The following CDC5L variants were observed in gnomAD, a reference collection of about 807,000 sequenced individuals.
CDC5L encodes cell division cycle 5 like.
Under a neutral mutation model 104.1 loss-of-function variants are expected in CDC5L, and 18 were observed. The observed-to-expected ratio is 0.17, with a 90% CI of 0.12 to 0.26. The LOEUF is 0.26. Among genes scored for constraint, CDC5L ranks in the 10% least tolerant of loss-of-function variants. The pLI is 1.00. For missense variants in CDC5L, 673 were observed against 956.9 expected (o/e 0.70, Z 3.91); for synonymous variants, 331 against 322.7 (o/e 1.03, Z -0.28).
intron 3 of CDC5L, 104 bp downstream of exon 3, chr6:44,392,932 G>A: frequency 9.8e-7 from 1 of 1,017,192 alleles, no homozygotes; most frequent in Non-Finnish European, 1.4e-6. Flanking sequence ...TTATGGATGT[G>A]AGTAAACCCA....
At chr6:44,400,540 A>C (rs1049523671) in intron 5 of CDC5L, among the ~76,000 whole-genome samples, 5 of 152,054 alleles carry the variant, frequency 3.3e-5, no homozygotes, top group African/African-American at 7.2e-5. Flanking sequence ...GGCACTGTCT[A>C]CCGTGCCTGG....
intron 3 of CDC5L, 107 bp downstream of exon 3, chr6:44,392,935 T>A: frequency 1.0e-6 from 1 of 990,318 alleles, no homozygotes; most frequent in Non-Finnish European, 1.5e-6. Context: ...TGGATGTGAG[T>A]AAACCCAAAG....
chr6:44,429,085 G>A (rs1792558945), intron 13 of CDC5L, among the ~76,000 whole-genome samples: 1 of 140,642 alleles, frequency 7.1e-6, no homozygotes, highest in South Asian at 2.2e-4. Context: ...GCAGTGGCAC[G>A]ATCCCAGCTC....
At chr6:44,415,704 G>A (rs544682039) in intron 8 of CDC5L, among the ~76,000 whole-genome samples, 54 of 152,254 alleles carry the variant, frequency 3.5e-4, no homozygotes, top group African/African-American at 1.3e-3. Flanking sequence ...TGTCTGTCCT[G>A]CTGGCCAGAA....
At chr6:44,395,644 C>G (rs1330767666) in intron 4 of CDC5L, among the ~76,000 whole-genome samples, 3 of 152,168 alleles carry the variant, frequency 2.0e-5, no homozygotes, top group Non-Finnish European at 4.4e-5. Flanking sequence ...ACAGGGGGAG[C>G]ATTTAAAAAT....
intron 8 of CDC5L, among the ~76,000 whole-genome samples, chr6:44,415,571 T>G (rs1259169144): frequency 6.6e-6 from 1 of 152,126 alleles, no homozygotes; most frequent in African/African-American, 2.4e-5. Flanking sequence ...CTTCTTAGTT[T>G]CTCCTTGTGG....
intron 4 of CDC5L, among the ~76,000 whole-genome samples, chr6:44,395,400 A>G (rs1486218464): frequency 6.6e-6 from 1 of 152,208 alleles, no homozygotes; most frequent in Non-Finnish European, 1.5e-5. Flanking sequence ...AGAATCAGGA[A>G]TTGGATTTTC....
In CDC5L at chr6:44,396,357, T is replaced by G. The variant is rs1383297656; in HGVS notation, c.456T>G (p.Leu152=). ...TTTTTGCAGATGAACTTGAGATGCT[T>G]TCTGAAGCCAGAGCCCGCTTGGCTA... ...IDMDEDELEM[L]SEARARLANT... Residue 152 remains leucine, a synonymous_variant, in exon 5 of 16, where the codon CTT becomes CTG. Coordinates refer to ENST00000371477, the MANE Select transcript of CDC5L (RefSeq NM_001253.4). The G allele has an allele frequency of 6.2e-7, 1 of 1,607,640 alleles. No homozygotes were observed. The highest frequency in any genetic ancestry group is 8.5e-7 in the Non-Finnish European group (1 of 1,177,856).
intron 14 of CDC5L, among the ~76,000 whole-genome samples, chr6:44,443,475 A>T (rs570060028): frequency 6.6e-6 from 1 of 151,982 alleles, no homozygotes; most frequent in Non-Finnish European, 1.5e-5. Context: ...CTGATAATGC[A>T]TAAGTTGTTC....
At chr6:44,400,034 C>CTT (rs1432987438) in intron 5 of CDC5L, among the ~76,000 whole-genome samples, 20 of 151,678 alleles carry the variant, frequency 1.3e-4, no homozygotes, top group Admixed American at 1.3e-3. Flanking sequence ...AAGCTTTGTG[C>CTT]TTTTGAATTT....
chr6:44,438,776 TC>T (rs1032126320), intron 14 of CDC5L, among the ~76,000 whole-genome samples: 1 of 151,880 alleles, frequency 6.6e-6, no homozygotes, highest in African/African-American at 2.4e-5. Flanking sequence ...GCATTTTGTA[TC>T]CAGAAGAATT....
intron 11 of CDC5L, among the ~76,000 whole-genome samples, 185 bp from the exon 12 acceptor site, chr6:44,425,918 A>T (rs1322745914): frequency 6.6e-6 from 1 of 152,010 alleles, no homozygotes; most frequent in Non-Finnish European, 1.5e-5. Context: ...AGTTTCTATT[A>T]TAATGAGAGT....
At chr6:44,425,721 G>A (rs1271818266) in intron 11 of CDC5L, among the ~76,000 whole-genome samples, 1 of 152,126 alleles carries the variant, frequency 6.6e-6, no homozygotes. Flanking sequence ...TAAGAATCAG[G>A]AAACAATACA....
intron 2 of CDC5L, among the ~76,000 whole-genome samples, chr6:44,391,021 T>C (rs866222151): frequency 8.4e-6 from 1 of 119,472 alleles, no homozygotes; most frequent in African/African-American, 2.9e-5. Context: ...TATTATATAT[T>C]AAACATATTT....
rs779245921 is a variant in CDC5L at position 44,404,043 on chromosome 6, G to A, written c.758+16G>A. 2 of 1,588,256 alleles carry A rather than the reference G, an allele frequency of 1.3e-6. No homozygotes were observed. The highest frequency in any genetic ancestry group is 3.5e-5 in the Admixed American group (2 of 56,694). ...AGCTAAGATCGTAAGTTGCCTTTCTGATTTTGGAAATGGAAAGGAATAGTA... is the reference window on the plus strand; with the variant it reads ...AGCTAAGATCGTAAGTTGCCTTTCTAATTTTGGAAATGGAAAGGAATAGTA... On this transcript the variant is annotated intron_variant, in intron 6 of 15. Coordinates refer to ENST00000371477, the MANE Select transcript of CDC5L (RefSeq NM_001253.4).
intron 14 of CDC5L, among the ~76,000 whole-genome samples, chr6:44,436,596 T>TA (rs1422646181): frequency 1.3e-5 from 2 of 152,202 alleles, no homozygotes; most frequent in Admixed American, 1.3e-4. Flanking sequence ...ATTTGACTTT[T>TA]AAAAAATCTT....
At chr6:44,427,004 G>A (rs547410077) in intron 13 of CDC5L, among the ~76,000 whole-genome samples, 10 of 152,216 alleles carry the variant, frequency 6.6e-5, no homozygotes, top group South Asian at 6.2e-4. Flanking sequence ...TACAGTTGCC[G>A]TTTTCTGTAT....
intron 9 of CDC5L, among the ~76,000 whole-genome samples, chr6:44,420,533 T>A (rs1190576885): frequency 6.6e-6 from 1 of 151,882 alleles, no homozygotes; most frequent in Non-Finnish European, 1.5e-5. Context: ...TAATTTTGTA[T>A]TTTTAGTAGA....
intron 14 of CDC5L, 34 bp from the exon 15 acceptor site, chr6:44,445,621 A>G (rs1261393984): frequency 6.0e-6 from 9 of 1,498,466 alleles, no homozygotes; most frequent in Non-Finnish European, 8.3e-6. Flanking sequence ...TGCTTTTCTC[A>G]TGTATGCTGA....
Sources: allele counts gnomAD v4.1 joint callset (sites outside exome capture counted in the v4.1 genomes callset), GRCh38; gene constraint gnomAD v4.1.1; transcripts MANE v1.5; gene names NCBI Gene and HGNC (gene_info 2026-07-23, HGNC 2026-07-21).